Variants in OR6A2 observed in about 807,000 individuals in gnomAD.
OR6A2 encodes the protein olfactory receptor 6A2.
Under a neutral mutation model 7.1 loss-of-function variants are expected in OR6A2, and 6 were observed. The observed-to-expected ratio is 0.85, with a 90% CI of 0.46 to 1.68. The LOEUF (loss-of-function observed/expected upper bound fraction) is 1.68, where lower values mean the gene tolerates loss of function less well. OR6A2 is among the 40% of genes most tolerant of loss of function. The pLI is 0.01. For synonymous variants in OR6A2, 162 were observed against 152.1 expected (o/e 1.06, Z -0.48); for missense variants, 431 against 398.0 (o/e 1.08, Z -0.71).
rs1847708595 is a variant in OR6A2, at chr11:6,793,211, A to G, written c.*1514T>C. 6.6e-6 allele frequency: 1 copy of G among 152,202 alleles called. No individual in the cohort carries two copies. Among genetic ancestry groups the G allele is most frequent in the Non-Finnish European group, 1.5e-5 (1 of 68,024 alleles). The allele number at this position is 152,202 out of a possible 1,614,324, so 9.4% of individuals were successfully genotyped here. ...AAAAAATTATTACAACAAGATACTTATACTGTTTAGGCACAAATAGATATG... is the reference window on the plus strand; with the variant it reads ...AAAAAATTATTACAACAAGATACTTGTACTGTTTAGGCACAAATAGATATG... On this transcript the variant is annotated 3_prime_UTR_variant, in exon 2 of 2. Coordinates refer to ENST00000641196, the MANE Select transcript of OR6A2 (RefSeq NM_003696.3).
At chr11:6,797,516 A>G (rs1385044820) in intron 1 of OR6A2, among the ~76,000 whole-genome samples, 2 of 152,054 alleles carry the variant, frequency 1.3e-5, no homozygotes, top group Non-Finnish European at 2.9e-5. Flanking sequence ...TTGGCCTCGG[A>G]CCTTCATTCA....
intron 1 of OR6A2, among the ~76,000 whole-genome samples, chr11:6,798,702 C>T (rs190255523): frequency 3.3e-5 from 5 of 152,274 alleles, no homozygotes; most frequent in Admixed American, 2.6e-4. Context: ...CACGTCATGA[C>T]GTTATATAAC....
chr11:6,795,465 T>C lies in OR6A2; in HGVS notation c.244A>G (p.Met82Val). The C allele has an allele frequency of 6.2e-7, 1 of 1,614,086 alleles. No homozygotes were observed. The highest frequency in any genetic ancestry group is 8.5e-7 in the Non-Finnish European group (1 of 1,179,996). ...IWYVTVTIPK[M>V]LAGFVGSKQD... ...TTGGATCCAACAAAGCCAGCAAGCATCTTGGGAATAGTGACAGTGACATAC... is the reference window on the plus strand; with the variant it reads ...TTGGATCCAACAAAGCCAGCAAGCACCTTGGGAATAGTGACAGTGACATAC... Residue 82 changes from methionine to valine, a missense_variant, in exon 2 of 2, where the codon ATG becomes GTG. Coordinates refer to ENST00000641196, the MANE Select transcript of OR6A2 (RefSeq NM_003696.3).
intron 1 of OR6A2, among the ~76,000 whole-genome samples, chr11:6,798,585 A>C (rs1337486263): frequency 6.6e-6 from 1 of 152,204 alleles, no homozygotes; most frequent in Non-Finnish European, 1.5e-5. Flanking sequence ...AAGAGCATCC[A>C]GTTTTTGAGA....
chr11:6,796,240 T>C (rs779831394), intron 1 of OR6A2, among the ~76,000 whole-genome samples: 5 of 152,200 alleles, frequency 3.3e-5, no homozygotes, highest in African/African-American at 4.8e-5. Context: ...ACAACAATCT[T>C]GTGGGCTAGT....
chr11:6,794,621 T>C lies in OR6A2; in HGVS notation c.*104A>G. On this transcript the variant is annotated 3_prime_UTR_variant, in exon 2 of 2. Coordinates refer to ENST00000641196, the MANE Select transcript of OR6A2 (RefSeq NM_003696.3). ...TATTCCTAGTTCCATAGTGATGCCT[T>C]TGAAACTCTGGCCCCCAATTTAGGC... 2.1e-6 allele frequency: 3 copies of C among 1,441,236 alleles called. No individual in the cohort carries two copies. The highest frequency in any genetic ancestry group is 2.8e-6 in the Non-Finnish European group (3 of 1,062,098). 89.3% of individuals were successfully genotyped at this position (1,441,236 alleles called of 1,614,324 possible). A position where few individuals can be genotyped will look rare whatever the true frequency, so the allele number is the denominator to read the frequency against.
At position 6,793,174 on chromosome 11, in the gene OR6A2, A is replaced by G. The variant is rs1270374839; in HGVS notation, c.*1551T>C. On this transcript the variant is annotated 3_prime_UTR_variant, in exon 2 of 2. Coordinates refer to ENST00000641196, the MANE Select transcript of OR6A2 (RefSeq NM_003696.3). ...ACAGTAGATTTTTGATGAACTTTAT[A>G]TCCAGTCATTTAAAAAATTATTACA... is the stretch of plus-strand genomic sequence containing the variant. The G allele has an allele frequency of 6.6e-6, 1 of 152,188 alleles. No individual in the cohort carries two copies. The highest frequency in any genetic ancestry group is 2.4e-5 in the African/African-American group (1 of 41,432). 9.4% of individuals were successfully genotyped at this position (152,188 alleles called of 1,614,324 possible).
chr11:6,798,886 T>C (rs1330716629), intron 1 of OR6A2, among the ~76,000 whole-genome samples: 1 of 152,176 alleles, frequency 6.6e-6, no homozygotes, highest in African/African-American at 2.4e-5. Context: ...TGTTATAAGG[T>C]TTCACTTACT....
In OR6A2 at chr11:6,795,415, G is replaced by A. The variant is rs1172830531; in HGVS notation, c.294C>T (p.Ser98=). The stretch of plus-strand genomic sequence containing the variant: ...AGAGCTGTGTCATGCATCCCTCAAA[G>A]GAGATTAGCTGTCCATGATCCTGTT... ...GSKQDHGQLI[S]FEGCMTQLYF... is the part of the protein sequence containing the mutation. Residue 98 remains serine (S), a synonymous_variant, in exon 2 of 2, where the codon TCC becomes TCT. Transcript: ENST00000641196. 1 of 1,614,122 alleles carries A rather than the reference G, an allele frequency of 6.2e-7. No individual in the cohort carries two copies. Among genetic ancestry groups the A allele is most frequent in the Admixed American group, 1.7e-5 (1 of 60,000 alleles).
Position 6,794,881 on chromosome 11 carries a change from G to A in OR6A2, c.828C>T (p.Asn276=), listed in dbSNP as rs190507516. ...RPKALSAFDT[N]KLVSVLYAVI... The stretch of plus-strand genomic sequence containing the variant: ...CAGCATACAGTACAGAGACCAACTT[G>A]TTGGTGTCAAAAGCTGAGAGTGCCT... Residue 276 remains asparagine (N), a synonymous_variant, in exon 2 of 2, where the codon AAC becomes AAT. Coordinates refer to ENST00000641196, the MANE Select transcript of OR6A2 (RefSeq NM_003696.3). 94 of 1,614,132 alleles carry A rather than the reference G, an allele frequency of 5.8e-5. 1 individual carries two copies. The Admixed American group carries it at 1.4e-3, about 23-fold the overall frequency.
chr11:6,798,465 A>T (rs1009618096), intron 1 of OR6A2, among the ~76,000 whole-genome samples: 30 of 152,100 alleles, frequency 2.0e-4, no homozygotes, highest in African/African-American at 7.2e-4. Flanking sequence ...CCTTGATTTA[A>T]CTATTTTGAT....
In OR6A2 at chr11:6,799,556, T is replaced by A. The variant is rs376483725; in HGVS notation, c.-189A>T. Reference sequence around the variant, plus strand: ...AGAATCCACTCACTTTATTCAGATGTCACTGACTCATCAAGGTCCTCCTGA... The same window carrying A: ...AGAATCCACTCACTTTATTCAGATGACACTGACTCATCAAGGTCCTCCTGA... On this transcript the variant is annotated 5_prime_UTR_variant, in exon 1 of 2. It removes the in-frame stop codon of an upstream open reading frame in the 5' UTR. Transcript: ENST00000641196. 6.6e-6 allele frequency: 1 copy of A among 152,192 alleles called. No homozygotes were observed. The highest frequency in any genetic ancestry group is 1.5e-5 in the Non-Finnish European group (1 of 68,038). 9.4% of individuals were successfully genotyped at this position (152,192 alleles called of 1,614,324 possible).
chr11:6,791,856 G>C lies in OR6A2; in HGVS notation c.*2869C>G, dbSNP rs1240104535. On this transcript the variant is annotated 3_prime_UTR_variant, in exon 2 of 2. Coordinates refer to ENST00000641196, the MANE Select transcript of OR6A2 (RefSeq NM_003696.3). ...TTTTCACACACCCATCTCTCAGTTT[G>C]TTTCTTCTAATATATTCATCCTTCA... The C allele has an allele frequency of 1.3e-5, 2 of 152,136 alleles. No individual in the cohort carries two copies. The highest frequency in any genetic ancestry group is 3.8e-4 in the East Asian group (2 of 5,198). 9.4% of individuals were successfully genotyped at this position (152,136 alleles called of 1,614,324 possible).
intron 1 of OR6A2, among the ~76,000 whole-genome samples, chr11:6,797,958 CT>C (rs929173520): frequency 3.1e-4 from 46 of 147,920 alleles, no homozygotes; most frequent in African/African-American, 7.9e-4. Flanking sequence ...ACATTAGGTA[CT>C]TTTTTTTTTT....
At position 6,793,662 on chromosome 11, in the gene OR6A2, T is replaced by G. The variant is rs1847713659; in HGVS notation, c.*1063A>C. The G allele has an allele frequency of 6.6e-6, 1 of 152,206 alleles. No homozygotes were observed. The highest frequency in any genetic ancestry group is 2.4e-5 in the African/African-American group (1 of 41,458). 9.4% of individuals were successfully genotyped at this position (152,206 alleles called of 1,614,324 possible). ...TTAAACAAGCAAATATGGCTGATATTTTTGATACTGTTATATAACATAATA... is the reference window on the plus strand; with the variant it reads ...TTAAACAAGCAAATATGGCTGATATGTTTGATACTGTTATATAACATAATA... On this transcript the variant is annotated 3_prime_UTR_variant, in exon 2 of 2. Transcript: ENST00000641196.
intron 1 of OR6A2, among the ~76,000 whole-genome samples, chr11:6,797,837 C>T (rs1446742613): frequency 1.3e-5 from 2 of 152,186 alleles, no homozygotes; most frequent in Admixed American, 6.5e-5. Flanking sequence ...CAGCTCTCAG[C>T]GCACACCATG....
chr11:6,797,090 C>CCCTTGA (rs1213039686), intron 1 of OR6A2, among the ~76,000 whole-genome samples: 2 of 152,202 alleles, frequency 1.3e-5, no homozygotes, highest in African/African-American at 4.8e-5. Flanking sequence ...ATTACTTGAG[C>CCCTTGA]ATTACTCAGT....
intron 1 of OR6A2, among the ~76,000 whole-genome samples, chr11:6,796,148 A>C (rs1264943749): frequency 6.6e-6 from 1 of 152,230 alleles, no homozygotes; most frequent in African/African-American, 2.4e-5. Flanking sequence ...ATATAACACA[A>C]TTGAGTTATT....
Position 6,792,789 on chromosome 11 carries a change from A to G in OR6A2, c.*1936T>C, listed in dbSNP as rs1316152837. ...ACAAAGTTTTGTGACCTCAATTTCA[A>G]TATGAGTCCTGAGGGTCATATGTTC... On this transcript the variant is annotated 3_prime_UTR_variant, in exon 2 of 2. Coordinates refer to ENST00000641196, the MANE Select transcript of OR6A2 (RefSeq NM_003696.3). The G allele has an allele frequency of 5.3e-5, 8 of 151,990 alleles. No individual in the cohort carries two copies. In the East Asian group the frequency reaches 1.5e-3, roughly 29 times the overall value. 9.4% of individuals were successfully genotyped at this position (151,990 alleles called of 1,614,324 possible).
Sources: gnomAD v4.1 joint callset for allele counts (sites outside exome capture counted in the v4.1 genomes callset) on GRCh38, gnomAD v4.1.1 for gene constraint, MANE v1.5 for transcripts, NCBI Gene and HGNC (gene_info 2026-07-23, HGNC 2026-07-21) for gene names.